FSTL4: variants seen among roughly 807,000 people sequenced by gnomAD.
FSTL4 encodes the protein follistatin like 4, also known as follistatin-related protein 4.
Under a neutral mutation model 78.2 loss-of-function variants are expected in FSTL4, and 28 were observed. The observed-to-expected ratio is 0.36, with a 90% CI of 0.27 to 0.49. The LOEUF is 0.49. Among genes scored for constraint, FSTL4 ranks in the 20% least tolerant of loss-of-function variants. FSTL4 has a pLI of 0.98. For synonymous variants in FSTL4, 422 were observed against 440.5 expected (o/e 0.96, Z 0.53); for missense variants, 922 against 1,084.9 (o/e 0.85, Z 2.11).
At chr5:133,261,350 G>A (rs775341312) in intron 6 of FSTL4, among the ~76,000 whole-genome samples, 1 of 152,114 alleles carries the variant, frequency 6.6e-6, no homozygotes, top group Non-Finnish European at 1.5e-5. Flanking sequence ...CGGTGGAAAG[G>A]ATGTGAGTTT....
chr5:133,397,096 T>C (rs760159330), intron 4 of FSTL4, among the ~76,000 whole-genome samples: 1 of 152,218 alleles, frequency 6.6e-6, no homozygotes, highest in Non-Finnish European at 1.5e-5. Flanking sequence ...GAGTGATTGC[T>C]GAAAGGGAAG....
the FSTL4 span, among the ~76,000 whole-genome samples, chr5:133,664,497 C>G: frequency 2.0e-5 from 3 of 152,168 alleles, no homozygotes; most frequent in African/African-American, 7.2e-5. Context: ...AAGCAAAGCT[C>G]TGTAAACACC....
chr5:133,251,315 T>C (rs527861324), intron 6 of FSTL4, among the ~76,000 whole-genome samples: 3 of 152,188 alleles, frequency 2.0e-5, no homozygotes, highest in Non-Finnish European at 4.4e-5. Context: ...CCTCATCAGA[T>C]GACCACGAGG....
At chr5:133,465,859 T>C (rs1436748519) in intron 3 of FSTL4, among the ~76,000 whole-genome samples, 1 of 152,252 alleles carries the variant, frequency 6.6e-6, no homozygotes, top group African/African-American at 2.4e-5. Context: ...ACAGGGATAC[T>C]GGATTTCCAA....
intron 4 of FSTL4, among the ~76,000 whole-genome samples, chr5:133,373,443 A>G (rs1171786748): frequency 6.6e-6 from 1 of 152,220 alleles, no homozygotes; most frequent in Non-Finnish European, 1.5e-5. Context: ...CATGAGTAAC[A>G]CCACCATGTG....
intron 3 of FSTL4, among the ~76,000 whole-genome samples, chr5:133,472,421 T>C (rs2112849728): frequency 6.6e-6 from 1 of 152,106 alleles, no homozygotes; most frequent in East Asian, 1.9e-4. Flanking sequence ...AAGAACATTC[T>C]AGATTAGAAT....
the FSTL4 span, among the ~76,000 whole-genome samples, chr5:133,709,281 T>TA: frequency 3.3e-5 from 5 of 152,360 alleles, 1 homozygote; most frequent in African/African-American, 1.2e-4. Flanking sequence ...AGAGCCCATC[T>TA]ATTCACTGGA....
chr5:133,249,917 G>C (rs1752167721), intron 6 of FSTL4, among the ~76,000 whole-genome samples: 1 of 152,242 alleles, frequency 6.6e-6, no homozygotes, highest in South Asian at 2.1e-4. Context: ...GGGGGCAGGG[G>C]TGCAGCGCCC....
chr5:133,231,015 C>T (rs1751478363), intron 8 of FSTL4, among the ~76,000 whole-genome samples: 1 of 152,014 alleles, frequency 6.6e-6, no homozygotes, highest in South Asian at 2.1e-4. Context: ...TCCTCCTGGG[C>T]CCACGTTGCC....
chr5:133,345,334 A>C (rs191244719), intron 4 of FSTL4, among the ~76,000 whole-genome samples: 2 of 152,232 alleles, frequency 1.3e-5, no homozygotes, highest in Admixed American at 6.5e-5. Context: ...CCTTTGTCAG[A>C]TGGGTAGATT....
rs141897052 is a variant in FSTL4, at chr5:133,223,544, G to C, written c.1339+646C>G. Among the ~76,000 whole-genome samples, 1,003 of 152,200 alleles carry C rather than the reference G, an allele frequency of 6.6e-3. 11 individuals are homozygous for C. Among genetic ancestry groups the C allele is most frequent in the African/African-American group, 0.023 (957 of 41,536 alleles). On this transcript the variant is annotated intron_variant, in intron 11 of 15. Coordinates refer to ENST00000265342, the MANE Select transcript of FSTL4 (RefSeq NM_015082.2). ...GGGGACACAGTGGGGACTGGGACCCGGGCATGCACCTGCACCCCACACAGT... is the reference window on the plus strand; with the variant it reads ...GGGGACACAGTGGGGACTGGGACCCCGGCATGCACCTGCACCCCACACAGT...
the FSTL4 span, among the ~76,000 whole-genome samples, chr5:133,673,861 G>C: frequency 3.3e-5 from 5 of 152,272 alleles, no homozygotes; most frequent in African/African-American, 1.2e-4. Context: ...GAAGCCAGGA[G>C]GGCAAGACTC....
the FSTL4 span, among the ~76,000 whole-genome samples, chr5:133,779,494 G>A: frequency 6.6e-6 from 1 of 152,178 alleles, no homozygotes; most frequent in African/African-American, 2.4e-5. Context: ...GTTGAGGCAG[G>A]AGGATCACTT....
At chr5:133,670,509 T>G in the FSTL4 span, among the ~76,000 whole-genome samples, 59 of 152,334 alleles carry the variant, frequency 3.9e-4, 1 homozygote, top group Admixed American at 2.0e-4. Context: ...AATCAAGGAA[T>G]ACTTTTCACC....
chr5:133,483,524 C>T (rs536293762), intron 3 of FSTL4, among the ~76,000 whole-genome samples: 11 of 152,300 alleles, frequency 7.2e-5, no homozygotes, highest in Middle Eastern at 3.4e-3. Flanking sequence ...TCCAGTCCCC[C>T]GTGGATGGGC....
the FSTL4 span, among the ~76,000 whole-genome samples, chr5:133,695,046 G>C: frequency 1.3e-5 from 2 of 152,052 alleles, no homozygotes; most frequent in South Asian, 4.2e-4. Context: ...ATCAGATGAG[G>C]GCTAGGATCC....
chr5:133,796,357 C>T, the FSTL4 span, among the ~76,000 whole-genome samples: 2 of 152,304 alleles, frequency 1.3e-5, no homozygotes, highest in East Asian at 1.9e-4. Context: ...GCTCAGTGGG[C>T]CCTCTGCCTT....
intron 6 of FSTL4, among the ~76,000 whole-genome samples, chr5:133,277,636 C>G (rs948866582): frequency 2.0e-5 from 3 of 152,196 alleles, no homozygotes; most frequent in African/African-American, 7.2e-5. Context: ...CTGGGCAAGT[C>G]CTGGGAGGAG....
intron 4 of FSTL4, among the ~76,000 whole-genome samples, chr5:133,343,016 T>A (rs1452213968): frequency 6.6e-6 from 1 of 152,084 alleles, no homozygotes; most frequent in African/African-American, 2.4e-5. Flanking sequence ...ACTGTGGGAG[T>A]TGAGGCCTTT....
Sources: gnomAD v4.1 joint callset for allele counts (sites outside exome capture counted in the v4.1 genomes callset) on GRCh38, gnomAD v4.1.1 for gene constraint, MANE v1.5 for transcripts, NCBI Gene and HGNC (gene_info 2026-07-23, HGNC 2026-07-21) for gene names.